Variants in GALNT17 observed in about 807,000 individuals in gnomAD.
The protein encoded by GALNT17 is UDP-GalNAc:polypeptide N-acetylgalactosaminyltransferase-like 3.
In GALNT17, 29 loss-of-function variants were observed where a neutral mutation model predicts 63.7. That is an observed-to-expected ratio of 0.46 (90% CI 0.34 to 0.62). The LOEUF is 0.62. Among genes scored for constraint, GALNT17 ranks in the 20% least tolerant of loss-of-function variants. The pLI is 0.01. For missense variants in GALNT17, 603 were observed against 799.6 expected (o/e 0.75, Z 2.97); for synonymous variants, 305 against 318.3 (o/e 0.96, Z 0.45).
At chr7:71,631,821 G>T (rs1242134037) in intron 6 of GALNT17, among the ~76,000 whole-genome samples, 1 of 152,162 alleles carries the variant, frequency 6.6e-6, no homozygotes, top group Non-Finnish European at 1.5e-5. Context: ...GTCGCAGGGT[G>T]CCCGGATTAA....
At chr7:71,383,651 C>G (rs934826704) in intron 2 of GALNT17, among the ~76,000 whole-genome samples, 1 of 152,132 alleles carries the variant, frequency 6.6e-6, no homozygotes, top group East Asian at 1.9e-4. Context: ...CCAAGCTGGT[C>G]TTGAACTCCT....
chr7:71,207,905 G>A (rs1186602666), intron 1 of GALNT17, among the ~76,000 whole-genome samples: 1 of 152,006 alleles, frequency 6.6e-6, no homozygotes, highest in Non-Finnish European at 1.5e-5. Context: ...AAGCAATGAG[G>A]TGGACATGTG....
intron 5 of GALNT17, among the ~76,000 whole-genome samples, chr7:71,527,345 C>T (rs12699049): frequency 0.36 from 54,546 of 152,112 alleles, 12,655 homozygotes; most frequent in Non-Finnish European, 0.52. Flanking sequence ...ATAACACCGC[C>T]GTTTAAATGT....
At chr7:71,552,015 TTTATTTA>T (rs1554307567) in intron 5 of GALNT17, among the ~76,000 whole-genome samples, 5 of 27,100 alleles carry the variant, frequency 1.8e-4, no homozygotes, top group African/African-American at 6.9e-4. Flanking sequence ...GCTCTTTTTA[TTTATTTA>T]TTTATTTATT....
rs2302439 is a variant in GALNT17 at position 71,677,449 on chromosome 7, A to C, written c.1500+143A>C. The C allele has an allele frequency of 4.4e-3, 3,244 of 735,312 alleles. 51 individuals are homozygous for C. Among genetic ancestry groups the C allele is most frequent in the Admixed American group, 0.031 (1,016 of 33,238 alleles). 45.5% of individuals were successfully genotyped at this position (735,312 alleles called of 1,614,324 possible). On this transcript the variant is annotated intron_variant, in intron 9 of 10. Coordinates refer to ENST00000333538, the MANE Select transcript of GALNT17 (RefSeq NM_022479.3). Reference sequence around the variant, plus strand: ...GAAAAATTTTTAAGAAGAAGGTAGGAGTCTTTCTGGTTATTTCTGTAAAGA... The same window carrying C: ...GAAAAATTTTTAAGAAGAAGGTAGGCGTCTTTCTGGTTATTTCTGTAAAGA...
intron 6 of GALNT17, among the ~76,000 whole-genome samples, chr7:71,576,023 CT>C (rs1789531599): frequency 6.6e-6 from 1 of 151,936 alleles, no homozygotes; most frequent in African/African-American, 2.4e-5. Flanking sequence ...AGTAGCATGT[CT>C]AAATGTTAAG....
chr7:71,625,946 G>A lies in GALNT17; in HGVS notation c.1081-39465G>A, dbSNP rs187395280. Among the ~76,000 whole-genome samples, 8 of 152,092 alleles carry A rather than the reference G, an allele frequency of 5.3e-5. No individual in the cohort carries two copies. The East Asian group carries it at 7.8e-4, about 15-fold the overall frequency. On this transcript the variant is annotated intron_variant, in intron 6 of 10. Coordinates refer to ENST00000333538, the MANE Select transcript of GALNT17 (RefSeq NM_022479.3). ...CTGATCCAATATGACTGGTGTCCTC[G>A]TAAAAAGAAGGGATTAGGGCTGGGT...
At chr7:71,579,271 G>C (rs558174512) in intron 6 of GALNT17, among the ~76,000 whole-genome samples, 5 of 152,306 alleles carry the variant, frequency 3.3e-5, no homozygotes, top group African/African-American at 9.6e-5. Flanking sequence ...GGAGGGGAAT[G>C]TATGACTGGT....
chr7:71,677,063 C>T (rs1791161383), intron 8 of GALNT17, 148 bp from the exon 9 acceptor site: 7 of 775,206 alleles, frequency 9.0e-6, no homozygotes, highest in South Asian at 1.4e-5. Context: ...AGGTGATCAC[C>T]GCAAAGATTT....
At chr7:71,239,571 CTCTTT>C (rs1789957582) in intron 1 of GALNT17, among the ~76,000 whole-genome samples, 1 of 152,232 alleles carries the variant, frequency 6.6e-6, no homozygotes, top group South Asian at 2.1e-4. Context: ...AAAGCCCTTT[CTCTTT>C]TCTTCTGAGA....
chr7:71,217,621 A>C (rs1050843924), intron 1 of GALNT17, among the ~76,000 whole-genome samples: 3 of 151,984 alleles, frequency 2.0e-5, no homozygotes, highest in Non-Finnish European at 2.9e-5. Context: ...AGTCATGTAC[A>C]TAGTCGTTGT....
intron 5 of GALNT17, among the ~76,000 whole-genome samples, chr7:71,507,883 C>G (rs889940416): frequency 2.6e-5 from 4 of 152,160 alleles, no homozygotes; most frequent in Non-Finnish European, 4.4e-5. Flanking sequence ...GATCAGCATG[C>G]AGCTCACAGG....
chr7:71,548,852 A>C (rs10447533), intron 5 of GALNT17, among the ~76,000 whole-genome samples: 42,330 of 152,194 alleles, frequency 0.28, 6,024 homozygotes, highest in Admixed American at 0.31. Flanking sequence ...CTGTTTCCAT[A>C]GAGTCTTGTT....
At chr7:71,360,635 A>G (rs369838883) in intron 2 of GALNT17, among the ~76,000 whole-genome samples, 8 of 152,334 alleles carry the variant, frequency 5.3e-5, no homozygotes, top group African/African-American at 1.9e-4. Context: ...AGATGTTTTT[A>G]AAACTTTCTG....
At chr7:71,296,817 G>A (rs1490658070) in intron 1 of GALNT17, among the ~76,000 whole-genome samples, 2 of 151,784 alleles carry the variant, frequency 1.3e-5, no homozygotes, top group Non-Finnish European at 2.9e-5. Flanking sequence ...GTTATAAGAT[G>A]GTAGAAATAC....
intron 1 of GALNT17, among the ~76,000 whole-genome samples, chr7:71,212,691 C>T (rs958531760): frequency 2.6e-5 from 4 of 152,162 alleles, no homozygotes; most frequent in Admixed American, 2.0e-4. Flanking sequence ...CTCTTGGCAT[C>T]AGTGTGACCT....
chr7:71,666,821 A>G (rs561570995), intron 7 of GALNT17, among the ~76,000 whole-genome samples: 7 of 152,034 alleles, frequency 4.6e-5, no homozygotes, highest in African/African-American at 1.4e-4. Context: ...TTATTGTTGT[A>G]TTGTTCTTAC....
intron 1 of GALNT17, among the ~76,000 whole-genome samples, chr7:71,144,251 G>A (rs1209210030): frequency 6.6e-6 from 1 of 152,052 alleles, no homozygotes. Context: ...TCAGCTCCTC[G>A]AGTATCCTTA....
chr7:71,429,486 A>G (rs1037039698), intron 5 of GALNT17, among the ~76,000 whole-genome samples: 1 of 152,208 alleles, frequency 6.6e-6, no homozygotes, highest in African/African-American at 2.4e-5. Context: ...AATAATGGCT[A>G]TTTCAAGGTG....
Sources: gnomAD v4.1 joint callset for allele counts (sites outside exome capture counted in the v4.1 genomes callset) on GRCh38, gnomAD v4.1.1 for gene constraint, MANE v1.5 for transcripts, NCBI Gene and HGNC (gene_info 2026-07-23, HGNC 2026-07-21) for gene names.